MARCHF2: variants seen among roughly 807,000 people sequenced by gnomAD.
The protein encoded by MARCHF2 is membrane associated ring-CH-type finger 2, also known as E3 ubiquitin-protein ligase MARCHF2.
MARCHF2 carries 22 observed loss-of-function variants against 24.0 expected under a neutral mutation model. That is an observed-to-expected ratio of 0.92 (90% CI 0.66 to 1.31). The LOEUF is 1.31. Ranked by LOEUF, MARCHF2 falls within the 50% of genes most tolerant of loss-of-function variation. The pLI is 0.00. For missense variants in MARCHF2, 301 were observed against 335.3 expected (o/e 0.90, Z 0.80); for synonymous variants, 154 against 153.0 (o/e 1.01, Z -0.05).
At chr19:8,435,598 G>A in intron 4 of MARCHF2, among the ~76,000 whole-genome samples, 1 of 151,988 alleles carries the variant, frequency 6.6e-6, no homozygotes, top group East Asian at 1.9e-4. Context: ...GAGTGCAGTG[G>A]TGTGATCTCC....
intron 2 of MARCHF2, among the ~76,000 whole-genome samples, chr19:8,426,167 C>T (rs1967394089): frequency 7.2e-6 from 1 of 139,146 alleles, no homozygotes; most frequent in Non-Finnish European, 1.5e-5. Flanking sequence ...GGAGGCGGAG[C>T]TTGCAGTGAG....
At chr19:8,419,409 A>C (rs938573972) in intron 1 of MARCHF2, among the ~76,000 whole-genome samples, 1 of 152,112 alleles carries the variant, frequency 6.6e-6, no homozygotes, top group Non-Finnish European at 1.5e-5. Context: ...TAGGAGAATC[A>C]TTTGAGCCCG....
Position 8,438,770 on chromosome 19 carries a change from A to G in MARCHF2, c.*224A>G, listed in dbSNP as rs963623068. ...TTTTGCATATGGAGGACAGGTGGAC[A>G]TGGTCCTGAGCTCTGGACGGAGCAG... On this transcript the variant is annotated 3_prime_UTR_variant, in exon 5 of 5. Transcript: ENST00000215555. The G allele has an allele frequency of 2.9e-5, 15 of 514,020 alleles. No homozygotes were observed. The highest frequency in any genetic ancestry group is 6.1e-5 in the African/African-American group (3 of 49,194). 31.8% of individuals were successfully genotyped at this position (514,020 alleles called of 1,614,324 possible). A position where few individuals can be genotyped will look rare whatever the true frequency, so the allele number is the denominator to read the frequency against.
intron 1 of MARCHF2, among the ~76,000 whole-genome samples, chr19:8,416,766 T>G (rs1357081073): frequency 2.6e-5 from 4 of 151,848 alleles, no homozygotes; most frequent in Non-Finnish European, 5.9e-5. Flanking sequence ...GGGGTCTTGG[T>G]ATGTTGCCCA....
At chr19:8,420,026 C>T (rs1331548877) in intron 1 of MARCHF2, among the ~76,000 whole-genome samples, 5 of 149,746 alleles carry the variant, frequency 3.3e-5, no homozygotes, top group Admixed American at 1.3e-4. Flanking sequence ...GGTGTGTTGG[C>T]GGGCGCCTGT....
intron 4 of MARCHF2, among the ~76,000 whole-genome samples, chr19:8,431,865 G>A (rs1026569007): frequency 2.0e-5 from 3 of 151,292 alleles, no homozygotes; most frequent in Non-Finnish European, 4.4e-5. Context: ...AAAATAAATT[G>A]AAAGAGGAAA....
intron 2 of MARCHF2, among the ~76,000 whole-genome samples, chr19:8,426,091 C>T (rs1426657915): frequency 6.6e-6 from 1 of 151,572 alleles, no homozygotes; most frequent in Non-Finnish European, 1.5e-5. Context: ...ATTAGCCGGG[C>T]GTGGTGGCAG....
intron 4 of MARCHF2, among the ~76,000 whole-genome samples, chr19:8,436,154 G>A (rs1967715758): frequency 6.6e-6 from 1 of 150,962 alleles, no homozygotes. Flanking sequence ...TTTTTTTGGG[G>A]GGGACAGAGT....
chr19:8,426,913 C>A, intron 3 of MARCHF2, 109 bp downstream of exon 3: 3 of 925,802 alleles, frequency 3.2e-6, no homozygotes, highest in South Asian at 3.3e-5. Context: ...GGGCAGAACT[C>A]CCTACCGCCC....
intron 2 of MARCHF2, chr19:8,423,826 C>T (rs1480901417): frequency 6.6e-6 from 1 of 151,686 alleles, no homozygotes; most frequent in Non-Finnish European, 1.5e-5. Context: ...ATAGTGAGAC[C>T]CCCCTCTCTA....
At chr19:8,414,692 C>T (rs1264635594) in intron 1 of MARCHF2, among the ~76,000 whole-genome samples, 1 of 152,138 alleles carries the variant, frequency 6.6e-6, no homozygotes, top group Admixed American at 6.6e-5. Context: ...CTGTTTCCTA[C>T]CTTCAGGAAA....
At position 8,438,730 on chromosome 19, in the gene MARCHF2, T is replaced by G. The variant is rs1314085246; in HGVS notation, c.*184T>G. ...ATCCTGTGTGAAGATATTTTCAGGG[T>G]TTTTTTTTTTTTTTTTTTGCATATG... On this transcript the variant is annotated 3_prime_UTR_variant, in exon 5 of 5. Coordinates refer to ENST00000215555, the MANE Select transcript of MARCHF2 (RefSeq NM_001005415.2). 7.0e-5 allele frequency: 12 copies of G among 171,808 alleles called. No individual in the cohort carries two copies. The highest frequency in any genetic ancestry group is 4.5e-4 in the Admixed American group (6 of 13,478). The allele number at this position is 171,808 out of a possible 1,614,324, so 10.6% of individuals were successfully genotyped here. A position where few individuals can be genotyped will look rare whatever the true frequency, so the allele number is the denominator to read the frequency against.
chr19:8,421,748 C>T lies in MARCHF2; in HGVS notation c.-52-41C>T, dbSNP rs1433745678. 2.5e-6 allele frequency: 3 copies of T among 1,200,138 alleles called. No individual in the cohort carries two copies. The African/African-American group carries it at 4.6e-5, about 18-fold the overall frequency. 74.3% of individuals were successfully genotyped at this position (1,200,138 alleles called of 1,614,324 possible). A position where few individuals can be genotyped will look rare whatever the true frequency, so the allele number is the denominator to read the frequency against. On this transcript the variant is annotated intron_variant, in intron 1 of 4. Transcript: ENST00000215555. Reference sequence around the variant, plus strand: ...GACTCAAACCTTAGTCCGTCAGGCTCATTAACCTTGCCCCTAACCTCCGCA... The same window carrying T: ...GACTCAAACCTTAGTCCGTCAGGCTTATTAACCTTGCCCCTAACCTCCGCA...
chr19:8,419,149 T>A (rs986825164), intron 1 of MARCHF2, among the ~76,000 whole-genome samples: 4 of 151,330 alleles, frequency 2.6e-5, no homozygotes, highest in Admixed American at 6.6e-5. Flanking sequence ...TCACCTGAGG[T>A]CAGGAGTTTG....
At position 8,438,947 on chromosome 19, in the gene MARCHF2, T is replaced by C. The variant is rs1004307468; in HGVS notation, c.*401T>C. 4 of 160,770 alleles carry C rather than the reference T, an allele frequency of 2.5e-5. No individual in the cohort carries two copies. Among genetic ancestry groups the C allele is most frequent in the African/African-American group, 9.6e-5 (4 of 41,614 alleles). 10.0% of individuals were successfully genotyped at this position (160,770 alleles called of 1,614,324 possible). A position where few individuals can be genotyped will look rare whatever the true frequency, so the allele number is the denominator to read the frequency against. ...GCCCACTTTCCTGGCACCCTCGACTTTATATAAAAGTTGCACTGCGTTTCA... is the reference window on the plus strand; with the variant it reads ...GCCCACTTTCCTGGCACCCTCGACTCTATATAAAAGTTGCACTGCGTTTCA... On this transcript the variant is annotated 3_prime_UTR_variant, in exon 5 of 5. Coordinates refer to ENST00000215555, the MANE Select transcript of MARCHF2 (RefSeq NM_001005415.2).
chr19:8,422,783 C>T (rs1237222555), intron 2 of MARCHF2, among the ~76,000 whole-genome samples: 1 of 139,868 alleles, frequency 7.1e-6, no homozygotes, highest in Non-Finnish European at 1.5e-5. Flanking sequence ...CGGCTCACTG[C>T]AACCTCCGCC....
intron 1 of MARCHF2, among the ~76,000 whole-genome samples, chr19:8,416,471 G>A (rs1407492006): frequency 1.3e-5 from 2 of 152,090 alleles, no homozygotes; most frequent in Non-Finnish European, 2.9e-5. Context: ...AGAATTCACT[G>A]TAGGGTAGGA....
intron 2 of MARCHF2, among the ~76,000 whole-genome samples, chr19:8,423,100 C>G (rs1179386704): frequency 6.7e-6 from 1 of 149,304 alleles, no homozygotes; most frequent in Non-Finnish European, 1.5e-5. Context: ...CACTTTGTCA[C>G]CCATGCTGGA....
intron 1 of MARCHF2, among the ~76,000 whole-genome samples, chr19:8,415,271 A>G (rs979245317): frequency 2.6e-4 from 40 of 151,946 alleles, no homozygotes; most frequent in Admixed American, 1.8e-3. Context: ...GGTGGTGTGC[A>G]GAGCTACTCA....
Sources: allele counts gnomAD v4.1 joint callset (sites outside exome capture counted in the v4.1 genomes callset), GRCh38; gene constraint gnomAD v4.1.1; transcripts MANE v1.5; gene names NCBI Gene and HGNC (gene_info 2026-07-23, HGNC 2026-07-21).